ADARB2: variants seen among roughly 807,000 people sequenced by gnomAD.
ADARB2 encodes the protein adenosine deaminase RNA specific B2 (inactive).
Under a neutral mutation model 62.2 loss-of-function variants are expected in ADARB2, and 25 were observed. The observed-to-expected ratio is 0.40, with a 90% confidence interval of 0.29 to 0.56. The LOEUF (loss-of-function observed/expected upper bound fraction) is 0.56, where lower values mean the gene tolerates loss of function less well. ADARB2 is among the 20% of genes least tolerant of loss of function. ADARB2 has a pLI of 0.43. For synonymous variants in ADARB2, 572 were observed against 500.8 expected, an observed-to-expected ratio of 1.14 and a Z score of -1.90; for missense variants, 1,071 against 1,077.4, an observed-to-expected ratio of 0.99 and a Z score of 0.08.
chr10:1,302,434 G>A (rs1176378206), intron 3 of ADARB2, among the ~76,000 whole-genome samples: 5 of 152,208 alleles, frequency 3.3e-5, no homozygotes, highest in African/African-American at 4.8e-5. Context: ...ACTGCAAGGC[G>A]GCAGCGAGCC....
At chr10:1,396,898 C>A (rs1339896450) in intron 1 of ADARB2, among the ~76,000 whole-genome samples, 3 of 108,168 alleles carry the variant, frequency 2.8e-5, no homozygotes, top group Non-Finnish European at 4.0e-5. Context: ...GGTCACCGTC[C>A]GTCTCTCCCC....
intron 1 of ADARB2, among the ~76,000 whole-genome samples, chr10:1,693,096 G>A (rs766963502): frequency 3.9e-5 from 6 of 152,200 alleles, no homozygotes; most frequent in Admixed American, 6.5e-5. Context: ...ATCAGCACCC[G>A]TGAGCCAACT....
intron 1 of ADARB2, among the ~76,000 whole-genome samples, chr10:1,625,897 C>A (rs1833759845): frequency 6.6e-6 from 1 of 152,242 alleles, no homozygotes; most frequent in African/African-American, 2.4e-5. Flanking sequence ...CTTCTCACGC[C>A]TCTGCCTGAC....
At chr10:1,365,164 G>A (rs574443520) in intron 2 of ADARB2, among the ~76,000 whole-genome samples, 8 of 152,154 alleles carry the variant, frequency 5.3e-5, no homozygotes, top group Non-Finnish European at 8.8e-5. Flanking sequence ...GAGCCACCGC[G>A]CCTGGCCACA....
intron 3 of ADARB2, among the ~76,000 whole-genome samples, chr10:1,289,845 A>G (rs1831448708): frequency 6.6e-6 from 1 of 152,246 alleles, no homozygotes; most frequent in Admixed American, 6.5e-5. Context: ...AGGGGCAGGT[A>G]GGCGTTCGCC....
intron 5 of ADARB2, among the ~76,000 whole-genome samples, chr10:1,239,663 T>C (rs1242101540): frequency 1.9e-4 from 1 of 5,182 alleles, no homozygotes; most frequent in Non-Finnish European, 3.1e-4. Context: ...CCTCCCGGTG[T>C]TTACTCCCCT....
intron 2 of ADARB2, among the ~76,000 whole-genome samples, chr10:1,372,229 A>C (rs2820609): frequency 0.25 from 38,473 of 152,134 alleles, 5,611 homozygotes; most frequent in East Asian, 0.59. Context: ...CAAATACTGC[A>C]TGTTCTCACT....
chr10:1,233,846 C>CTAGG lies in ADARB2; in HGVS notation c.1362-5_1362-2dup. 1 of 1,612,992 alleles carries CTAGG rather than the reference C, an allele frequency of 6.2e-7. No homozygotes were observed. The highest frequency in any genetic ancestry group is 8.5e-7 in the Non-Finnish European group (1 of 1,179,546). On this transcript the variant is annotated splice_acceptor_variant, in intron 5 of 9. Transcript: ENST00000381312. LOFTEE classifies it high-confidence loss of function. ...TCGCTCTGAGTCCTCGCGCCGCTTGCTAGGGTCACAAAGAGGTTTGGGGTC... is the reference window on the plus strand; with the variant it reads ...TCGCTCTGAGTCCTCGCGCCGCTTGCTAGGTAGGGTCACAAAGAGGTTTGGGGTC...
intron 1 of ADARB2, among the ~76,000 whole-genome samples, chr10:1,504,585 G>T (rs1405701513): frequency 6.6e-6 from 1 of 152,224 alleles, no homozygotes; most frequent in African/African-American, 2.4e-5. Context: ...TGGAGCTCCT[G>T]CCGTGGTGGT....
intron 1 of ADARB2, among the ~76,000 whole-genome samples, chr10:1,465,506 T>A (rs1018908042): frequency 6.6e-6 from 1 of 152,146 alleles, no homozygotes; most frequent in African/African-American, 2.4e-5. Flanking sequence ...TTGGGGACCG[T>A]GACGACCGCA....
chr10:1,554,839 G>A (rs915535739), intron 1 of ADARB2, among the ~76,000 whole-genome samples: 6 of 151,990 alleles, frequency 3.9e-5, no homozygotes, highest in Non-Finnish European at 5.9e-5. Context: ...GAACGATCTC[G>A]TGCCCCAGGT....
chr10:1,206,622 G>A (rs1411504523), intron 7 of ADARB2, among the ~76,000 whole-genome samples: 1 of 152,182 alleles, frequency 6.6e-6, no homozygotes, highest in African/African-American at 2.4e-5. Flanking sequence ...CACTCAGCCC[G>A]GGGACCTTTG....
At chr10:1,334,594 A>C (rs1831957168) in intron 3 of ADARB2, among the ~76,000 whole-genome samples, 1 of 152,244 alleles carries the variant, frequency 6.6e-6, no homozygotes, top group South Asian at 2.1e-4. Flanking sequence ...TCCTTGGTCA[A>C]GATTTATAAC....
intron 1 of ADARB2, among the ~76,000 whole-genome samples, chr10:1,551,654 C>T (rs1260657367): frequency 1.3e-5 from 2 of 152,128 alleles, no homozygotes; most frequent in Non-Finnish European, 2.9e-5. Flanking sequence ...ACCTGGTAAC[C>T]CAGAAATGAA....
chr10:1,412,929 C>T (rs1288700273), intron 1 of ADARB2, among the ~76,000 whole-genome samples: 1 of 152,226 alleles, frequency 6.6e-6, no homozygotes, highest in African/African-American at 2.4e-5. Flanking sequence ...GGTTCATTTC[C>T]CTGCTGGTCC....
At chr10:1,546,271 G>A (rs891845770) in intron 1 of ADARB2, among the ~76,000 whole-genome samples, 2 of 152,290 alleles carry the variant, frequency 1.3e-5, no homozygotes, top group South Asian at 2.1e-4. Flanking sequence ...AGCAGTACTC[G>A]TGGTCCCAGT....
At chr10:1,188,479 G>T (rs1836794024) in intron 8 of ADARB2, among the ~76,000 whole-genome samples, 1 of 152,178 alleles carries the variant, frequency 6.6e-6, no homozygotes, top group Admixed American at 6.5e-5. Context: ...CTCTGCAGGG[G>T]ACAGGACCAT....
intron 1 of ADARB2, among the ~76,000 whole-genome samples, chr10:1,478,847 C>G (rs1003273922): frequency 2.6e-5 from 4 of 151,518 alleles, no homozygotes; most frequent in African/African-American, 9.7e-5. Context: ...TAAGGACCCT[C>G]CGACAGGAGT....
chr10:1,264,388 G>C (rs1031403205), intron 4 of ADARB2, among the ~76,000 whole-genome samples: 3 of 152,156 alleles, frequency 2.0e-5, no homozygotes, highest in Admixed American at 2.0e-4. Flanking sequence ...CTTATACTCC[G>C]CTTCTCTTAG....
Sources: allele counts gnomAD v4.1 joint callset (sites outside exome capture counted in the v4.1 genomes callset), GRCh38; gene constraint gnomAD v4.1.1; transcripts MANE v1.5; gene names NCBI Gene and HGNC (gene_info 2026-07-23, HGNC 2026-07-21).